GTF3C2: variants seen among roughly 807,000 people sequenced by gnomAD.
The protein encoded by GTF3C2 is general transcription factor IIIC subunit 2, also known as general transcription factor 3C polypeptide 2.
GTF3C2 carries 17 observed loss-of-function variants against 117.4 expected under a neutral mutation model. The ratio of observed to expected loss-of-function variants is 0.14; its 90% CI spans 0.10 to 0.22. The LOEUF (loss-of-function observed/expected upper bound fraction) is 0.22, where lower values mean the gene tolerates loss of function less well. Ranked by LOEUF, GTF3C2 falls within the 10% of genes least tolerant of loss-of-function variation. The pLI is 1.00. For missense variants in GTF3C2, 888 were observed against 1,143.6 expected, an observed-to-expected ratio of 0.78 and a Z score of 3.22; for synonymous variants, 437 against 427.0, an observed-to-expected ratio of 1.02 and a Z score of -0.29.
chr2:27,356,243 G>T (rs1681373503), intron 1 of GTF3C2: 23 of 491,560 alleles, frequency 4.7e-5, no homozygotes, highest in South Asian at 3.4e-4. Flanking sequence ...CAGCGCGCGG[G>T]GCACAACCCT....
chr2:27,328,199 A>G lies in GTF3C2; in HGVS notation c.2257-10T>C. ...CTGCTTTATATATAGGCTGGAAAGG[A>G]GACCATGAAATTAGGTTCTATAATA... On this transcript the variant is annotated splice_polypyrimidine_tract_variant and intron_variant, in intron 16 of 18. Transcript: ENST00000264720. The G allele has an allele frequency of 6.4e-7, 1 of 1,561,646 alleles. No individual in the cohort carries two copies. Among genetic ancestry groups the G allele is most frequent in the Non-Finnish European group, 8.6e-7 (1 of 1,156,126 alleles).
chr2:27,338,887 T>G (rs972845728), intron 4 of GTF3C2, among the ~76,000 whole-genome samples: 1 of 149,874 alleles, frequency 6.7e-6, no homozygotes, highest in Non-Finnish European at 1.5e-5. Flanking sequence ...ATGCCAGACT[T>G]GAACTCCTGG....
intron 12 of GTF3C2, among the ~76,000 whole-genome samples, chr2:27,332,989 C>T (rs552317870): frequency 2.6e-4 from 40 of 151,880 alleles, no homozygotes; most frequent in Non-Finnish European, 5.3e-4. Flanking sequence ...GCTGGGATTA[C>T]AGGTGTGAGC....
chr2:27,354,229 G>C (rs896044349), intron 1 of GTF3C2, among the ~76,000 whole-genome samples: 1 of 152,040 alleles, frequency 6.6e-6, no homozygotes, highest in African/African-American at 2.4e-5. Flanking sequence ...GTTACAGTGA[G>C]CTGTGATCAT....
rs777217682 is a variant in GTF3C2, at chr2:27,343,532, T to G, written c.23A>C (p.Tyr8Ser). Reference sequence around the variant, plus strand: ...GGGGCCGGCCTCCCCCAGGGCAACATAGCCGACCCCGCAGGTATCCATCAG... The same window carrying G: ...GGGGCCGGCCTCCCCCAGGGCAACAGAGCCGACCCCGCAGGTATCCATCAG... The change falls in exon 2 of 19, where the codon TAT becomes TCT. Residue 8 changes from tyrosine to serine, a missense_variant. This residue lies in a region of GTF3C2 where 393 missense variants were observed against 401.5 expected (regional missense o/e 0.98). Transcript: ENST00000264720. 21 of 1,613,846 alleles carry G rather than the reference T, an allele frequency of 1.3e-5. No homozygotes were observed. In the East Asian group the frequency reaches 4.7e-4, roughly 36 times the overall value.
exon 19 of GTF3C2, chr2:27,326,617 G>T (rs1317584035): frequency 7.8e-7 from 1 of 1,277,636 alleles, no homozygotes; most frequent in South Asian, 1.2e-5. Context: ...ATGGCTCTGT[G>T]CATAGGGGCC....
intron 1 of GTF3C2, among the ~76,000 whole-genome samples, chr2:27,353,755 T>C (rs1477246045): frequency 2.0e-5 from 3 of 152,098 alleles, no homozygotes; most frequent in Admixed American, 6.6e-5. Flanking sequence ...TTATTTCCCC[T>C]GTCACCCAGG....
intron 1 of GTF3C2, chr2:27,350,415 G>T: frequency 1.0e-6 from 1 of 985,432 alleles, no homozygotes; most frequent in Non-Finnish European, 1.2e-6. Flanking sequence ...ATAAATAAAT[G>T]ATCACGATGA....
exon 19 of GTF3C2, chr2:27,326,561 G>A (rs1680078539): frequency 1.3e-6 from 1 of 755,530 alleles, no homozygotes; most frequent in Admixed American, 2.3e-5. Context: ...AGGCCTAAAG[G>A]TCCAGGCCTG....
intron 10 of GTF3C2, among the ~76,000 whole-genome samples, chr2:27,335,161 C>T (rs1572568553): frequency 6.6e-6 from 1 of 152,188 alleles, no homozygotes; most frequent in Non-Finnish European, 1.5e-5. Flanking sequence ...TGCTCATCTT[C>T]AGCTCTCTAT....
exon 3 of GTF3C2, chr2:27,342,885 C>T: frequency 6.2e-7 from 1 of 1,614,148 alleles, no homozygotes; most frequent in Non-Finnish European, 8.5e-7. Flanking sequence ...CCTCAGGGGG[C>T]CTCTTTGGAG....
rs772123296 is a variant in GTF3C2, at chr2:27,341,985, A to G, written c.818T>C (p.Val273Ala). 11 of 1,614,118 alleles carry G rather than the reference A, an allele frequency of 6.8e-6. No individual in the cohort carries two copies. The South Asian group carries it at 1.2e-4, about 18-fold the overall frequency. The change falls in exon 4 of 19, where the codon GTA becomes GCA. Residue 273 changes from valine (V) to alanine (A), a missense_variant. By Grantham distance (64) the Val-to-Ala change is moderately conservative. Transcript: ENST00000264720. ...TCCTCGTGGGGTGCTTCGGGGCACTACAGGCTCAGGTTCAGATGAGCTCTC... is the reference window on the plus strand; with the variant it reads ...TCCTCGTGGGGTGCTTCGGGGCACTGCAGGCTCAGGTTCAGATGAGCTCTC...
intron 4 of GTF3C2, chr2:27,338,238 T>A (rs532121508): frequency 9.3e-6 from 5 of 537,062 alleles, no homozygotes; most frequent in Non-Finnish European, 1.7e-5. Flanking sequence ...TGTTACCTAT[T>A]TTCTGTTCAG....
intron 1 of GTF3C2, among the ~76,000 whole-genome samples, chr2:27,349,728 TC>T (rs1316073053): frequency 2.6e-5 from 4 of 151,896 alleles, no homozygotes; most frequent in Admixed American, 2.6e-4. Context: ...AACCTCTGCC[TC>T]CTGGGTTCAA....
chr2:27,338,443 C>T (rs1454111408), intron 4 of GTF3C2, among the ~76,000 whole-genome samples: 3 of 107,982 alleles, frequency 2.8e-5, no homozygotes, highest in East Asian at 2.0e-4. Context: ...TCTACACAGG[C>T]GCGCACGCGC....
chr2:27,334,101 C>G, intron 10 of GTF3C2, 102 bp from the exon 11 acceptor site: 1 of 816,390 alleles, frequency 1.2e-6, no homozygotes, highest in Non-Finnish European at 2.1e-6. Flanking sequence ...TCATGGCTCA[C>G]TGCAGCCTCC....
intron 1 of GTF3C2, among the ~76,000 whole-genome samples, chr2:27,346,607 A>G (rs1308737095): frequency 6.6e-6 from 1 of 151,910 alleles, no homozygotes; most frequent in Non-Finnish European, 1.5e-5. Flanking sequence ...TCCTGGACTC[A>G]AGCAATTCTC....
At chr2:27,327,997 CT>C in intron 17 of GTF3C2, 39 bp downstream of exon 17, 2 of 1,558,944 alleles carry the variant, frequency 1.3e-6, no homozygotes, top group Non-Finnish European at 1.7e-6. Context: ...AGTTTTCTAC[CT>C]TTTCTAATAC....
chr2:27,326,794 G>T (rs767306443), exon 19 of GTF3C2: 1 of 1,613,886 alleles, frequency 6.2e-7, no homozygotes, highest in Non-Finnish European at 8.5e-7. Context: ...CGGTGGCCCA[G>T]TGGGGAGGCG....
Sources: allele counts gnomAD v4.1 joint callset (sites outside exome capture counted in the v4.1 genomes callset), GRCh38; gene constraint gnomAD v4.1.1; regional missense constraint gnomAD v4.1.1; transcripts MANE v1.5; gene names NCBI Gene and HGNC (gene_info 2026-07-23, HGNC 2026-07-21).